The following SCRG1 variants were observed in gnomAD, a reference collection of about 807,000 sequenced individuals.
SCRG1 encodes scrapie-responsive protein 1.
In SCRG1, 3 loss-of-function variants were observed where a neutral mutation model predicts 7.7. That is an observed-to-expected ratio of 0.39 (90% CI 0.18 to 1.01). The LOEUF is 1.01. Among genes scored for constraint, SCRG1 ranks in the 50% least tolerant of loss-of-function variants. The probability of loss-of-function intolerance (pLI) is 0.36; values close to 1 mark genes in which losing one functional copy is unlikely to be tolerated. For missense variants in SCRG1, 110 were observed against 117.2 expected (o/e 0.94, Z 0.28); for synonymous variants, 46 against 41.2 (o/e 1.12, Z -0.44).
the SCRG1 span, among the ~76,000 whole-genome samples, chr4:173,519,117 G>A: frequency 6.8e-6 from 1 of 148,056 alleles, no homozygotes; most frequent in Admixed American, 6.7e-5. Flanking sequence ...CAGAGGAGGA[G>A]TAAATGCAGA....
At chr4:173,498,432 A>G in the SCRG1 span, among the ~76,000 whole-genome samples, 3 of 152,220 alleles carry the variant, frequency 2.0e-5, no homozygotes, top group African/African-American at 7.2e-5. Flanking sequence ...CCTGTCACCA[A>G]GATTTGTGGG....
chr4:173,516,170 G>GT, the SCRG1 span, among the ~76,000 whole-genome samples: 1 of 152,170 alleles, frequency 6.6e-6, no homozygotes, highest in African/African-American at 2.4e-5. Flanking sequence ...TTTGCTACCA[G>GT]TATCAATTAG....
the SCRG1 span, among the ~76,000 whole-genome samples, chr4:173,411,960 C>T: frequency 6.6e-6 from 1 of 152,296 alleles, no homozygotes; most frequent in East Asian, 1.9e-4. Flanking sequence ...TTTTTCACCT[C>T]ATCTGTGTAC....
the SCRG1 span, among the ~76,000 whole-genome samples, chr4:173,507,056 G>T: frequency 2.9e-3 from 443 of 152,330 alleles, no homozygotes; most frequent in African/African-American, 0.01. This position sits in a 1 kb window ranked among gnomAD's most constrained non-coding sequence, Gnocchi z 4.4. Flanking sequence ...GAGGAGGGGT[G>T]GGGGCATTGC....
the SCRG1 span, among the ~76,000 whole-genome samples, chr4:173,464,176 CTAAA>C: frequency 3.9e-5 from 6 of 152,114 alleles, no homozygotes; most frequent in Admixed American, 6.5e-5. Context: ...TTGAAATTAC[CTAAA>C]TAATGAAATA....
At chr4:173,489,740 C>T in the SCRG1 span, among the ~76,000 whole-genome samples, 1 of 152,076 alleles carries the variant, frequency 6.6e-6, no homozygotes. Context: ...CTTGAAAAAC[C>T]ATGCTGTTTG....
chr4:173,425,753 A>T, the SCRG1 span, among the ~76,000 whole-genome samples: 1 of 152,242 alleles, frequency 6.6e-6, no homozygotes, highest in Non-Finnish European at 1.5e-5. Flanking sequence ...GAAAAATATT[A>T]GCTCATTTCT....
At chr4:173,467,772 G>C in the SCRG1 span, 15 of 152,190 alleles carry the variant, frequency 9.9e-5, no homozygotes, top group South Asian at 1.9e-3. Flanking sequence ...TTGTCACATA[G>C]AGTCATGCAA....
At chr4:173,494,618 C>T in the SCRG1 span, among the ~76,000 whole-genome samples, 1 of 152,200 alleles carries the variant, frequency 6.6e-6, no homozygotes, top group Non-Finnish European at 1.5e-5. Flanking sequence ...TGAAGAGGAG[C>T]CCGCGCCCTC....
chr4:173,393,490 A>G (rs1739509334), intron 1 of SCRG1, among the ~76,000 whole-genome samples: 1 of 152,184 alleles, frequency 6.6e-6, no homozygotes, highest in African/African-American at 2.4e-5. Flanking sequence ...TATATAAATG[A>G]TATCTTCCAA....
chr4:173,462,047 T>C, the SCRG1 span, among the ~76,000 whole-genome samples: 15 of 151,972 alleles, frequency 9.9e-5, no homozygotes, highest in African/African-American at 3.1e-4. Flanking sequence ...ATATAGAAAA[T>C]AGCCTCAAAA....
At chr4:173,451,685 T>TA in the SCRG1 span, among the ~76,000 whole-genome samples, 1 of 130,450 alleles carries the variant, frequency 7.7e-6, no homozygotes, top group Non-Finnish European at 1.8e-5. Context: ...TTTATTTATT[T>TA]TGAGACAGAG....
the SCRG1 span, among the ~76,000 whole-genome samples, chr4:173,490,023 G>A: frequency 6.6e-6 from 1 of 152,172 alleles, no homozygotes; most frequent in Non-Finnish European, 1.5e-5. Flanking sequence ...CATAAAGCAG[G>A]TGATTATGGG....
the SCRG1 span, among the ~76,000 whole-genome samples, chr4:173,484,511 T>G: frequency 1.4e-5 from 1 of 74,042 alleles, no homozygotes; most frequent in Non-Finnish European, 2.4e-5. Flanking sequence ...TATTATATAT[T>G]ATATACATAT....
At chr4:173,416,039 T>C in the SCRG1 span, among the ~76,000 whole-genome samples, 2 of 152,168 alleles carry the variant, frequency 1.3e-5, no homozygotes, top group Non-Finnish European at 2.9e-5. Flanking sequence ...GTGTTTTGAG[T>C]ACCTGGGAGG....
chr4:173,483,838 A>ATG, the SCRG1 span, among the ~76,000 whole-genome samples: 1 of 13,582 alleles, frequency 7.4e-5, no homozygotes, highest in African/African-American at 1.5e-4. Flanking sequence ...TATAATATAT[A>ATG]ATATATAATA....
At chr4:173,490,263 A>G in the SCRG1 span, among the ~76,000 whole-genome samples, 1 of 152,198 alleles carries the variant, frequency 6.6e-6, no homozygotes, top group Admixed American at 6.5e-5. Flanking sequence ...TCACTTCCCA[A>G]AGTGTCAAGT....
chr4:173,408,210 G>A (rs1296534663), upstream of SCRG1, among the ~76,000 whole-genome samples: 1 of 152,138 alleles, frequency 6.6e-6, no homozygotes, highest in Non-Finnish European at 1.5e-5. Flanking sequence ...GTATGTGTTA[G>A]AGAGTCACCT....
intron 1 of SCRG1, among the ~76,000 whole-genome samples, chr4:173,405,540 A>G (rs73872593): frequency 0.013 from 1,996 of 152,296 alleles, 43 homozygotes; most frequent in African/African-American, 0.044. Flanking sequence ...GGGCGGAGTA[A>G]CTACATAAAT....
Sources: allele counts gnomAD v4.1 joint callset (sites outside exome capture counted in the v4.1 genomes callset), GRCh38; gene constraint gnomAD v4.1.1; non-coding constraint Gnocchi (gnomAD v3.1); transcripts MANE v1.5; gene names NCBI Gene and HGNC (gene_info 2026-07-23, HGNC 2026-07-21).